The following MCF2L2 variants were observed in gnomAD, a reference collection of about 807,000 sequenced individuals.
MCF2L2 encodes the protein MCF.2 cell line derived transforming sequence-like 2.
MCF2L2 carries 102 observed loss-of-function variants against 150.2 expected under a neutral mutation model. The observed-to-expected ratio is 0.68, with a 90% CI of 0.58 to 0.80. The LOEUF (loss-of-function observed/expected upper bound fraction) is 0.80, where lower values mean the gene tolerates loss of function less well. Ranked by LOEUF, MCF2L2 falls within the 30% of genes least tolerant of loss-of-function variation. The probability of loss-of-function intolerance (pLI) is 0.00; values close to 1 mark genes in which losing one functional copy is unlikely to be tolerated. For synonymous variants in MCF2L2, 465 were observed against 491.3 expected (o/e 0.95, Z 0.71); for missense variants, 1,256 against 1,372.8 (o/e 0.91, Z 1.34).
intron 27 of MCF2L2, among the ~76,000 whole-genome samples, chr3:183,188,082 T>C (rs1721759659): frequency 6.6e-6 from 1 of 152,144 alleles, no homozygotes; most frequent in South Asian, 2.1e-4. Context: ...AATACTCCCA[T>C]GCCCAGCTGT....
At chr3:183,282,382 G>C (rs1214363885) in intron 14 of MCF2L2, among the ~76,000 whole-genome samples, 1 of 152,026 alleles carries the variant, frequency 6.6e-6, no homozygotes, top group Admixed American at 6.6e-5. Flanking sequence ...GTTTCACCAT[G>C]TTAGCCAGGA....
In MCF2L2 at chr3:183,272,366, C is replaced by T. The variant is rs887468926; in HGVS notation, c.1862+4506G>A. The stretch of plus-strand genomic sequence containing the variant: ...GAACTCACTCTAAGGCCTTTGACTG[C>T]AGAGGCACCTGTTAGGGAAAATCAG... On this transcript the variant is annotated intron_variant, in intron 15 of 29. Transcript: ENST00000328913. The T allele has an allele frequency of 5.7e-5, 57 of 1,000,074 alleles. 1 individual carries two copies. The highest frequency in any genetic ancestry group is 6.6e-5 in the Non-Finnish European group (55 of 829,988). 62.0% of individuals were successfully genotyped at this position (1,000,074 alleles called of 1,614,324 possible).
rs760549633 is a variant in MCF2L2, at chr3:183,300,008, G to T, written c.1302C>A (p.Asp434Glu). Residue 434 changes from aspartate (D) to glutamate (E), a missense_variant, in exon 11 of 30, where the codon GAC (aspartate) becomes GAA (glutamate). Transcript: ENST00000328913. ...GKSLEFHRQL[D>E]KVSQWCEAGI... ...TTCTTGGCTGTGTTTTGCTCACCTT[G>T]TCCAGCTGTCTATGAAACTCTAAGG... 6.2e-6 allele frequency: 10 copies of T among 1,611,910 alleles called. 1 individual carries two copies. In the South Asian group the frequency reaches 9.9e-5, roughly 16 times the overall value.
intron 5 of MCF2L2, 115 bp from the exon 6 acceptor site, chr3:183,323,466 C>T: frequency 2.4e-6 from 1 of 410,836 alleles, no homozygotes; most frequent in Non-Finnish European, 4.2e-6. Flanking sequence ...TTAAATGATA[C>T]TCCAACTTTG....
chr3:183,242,354 C>A (rs1158978445), intron 15 of MCF2L2, among the ~76,000 whole-genome samples: 1 of 152,204 alleles, frequency 6.6e-6, no homozygotes, highest in Non-Finnish European at 1.5e-5. Flanking sequence ...ACCTTTGTGG[C>A]AACCCCTCCC....
intron 15 of MCF2L2, among the ~76,000 whole-genome samples, chr3:183,238,357 C>T (rs1723837477): frequency 6.6e-6 from 1 of 150,730 alleles, no homozygotes; most frequent in Admixed American, 6.6e-5. Context: ...TGCAGTGGTG[C>T]AGTCTCGGCT....
At chr3:183,360,983 GAAAA>G (rs1712119215) in intron 3 of MCF2L2, among the ~76,000 whole-genome samples, 3 of 114,568 alleles carry the variant, frequency 2.6e-5, no homozygotes, top group African/African-American at 1.5e-4. Context: ...GAAAAGAAAA[GAAAA>G]GAAAAGAAAA....
At chr3:183,223,190 G>A (rs1723206539) in intron 20 of MCF2L2, among the ~76,000 whole-genome samples, 156 bp downstream of exon 20, 1 of 152,138 alleles carries the variant, frequency 6.6e-6, no homozygotes, top group Admixed American at 6.5e-5. Context: ...ATTGAAGAGG[G>A]CTGATTTAGA....
intron 15 of MCF2L2, among the ~76,000 whole-genome samples, chr3:183,266,719 C>A (rs988514266): frequency 7.2e-5 from 11 of 152,130 alleles, no homozygotes; most frequent in Non-Finnish European, 1.2e-4. Flanking sequence ...AGCATTCAGT[C>A]CAGAAATGAC....
intron 15 of MCF2L2, among the ~76,000 whole-genome samples, chr3:183,258,935 A>G (rs1725332387): frequency 6.6e-6 from 1 of 152,192 alleles, no homozygotes; most frequent in South Asian, 2.1e-4. Context: ...AACTAATGCA[A>G]TATAAATGCT....
At chr3:183,318,867 C>T (rs911830078) in intron 6 of MCF2L2, among the ~76,000 whole-genome samples, 6 of 152,240 alleles carry the variant, frequency 3.9e-5, no homozygotes, top group Admixed American at 3.3e-4. Context: ...TAACCATCTT[C>T]TGGGCCTTCA....
At chr3:183,289,296 A>AG in intron 13 of MCF2L2, 76 bp from the exon 14 acceptor site, 1 of 963,144 alleles carries the variant, frequency 1.0e-6, no homozygotes, top group Non-Finnish European at 1.6e-6. Context: ...ATTTGGACAA[A>AG]TAGCTGGACC....
chr3:183,207,776 G>A lies in MCF2L2; in HGVS notation c.2544C>T (p.Ser848=), dbSNP rs750765432. 34 of 1,614,140 alleles carry A rather than the reference G, an allele frequency of 2.1e-5. No individual in the cohort carries two copies. Among genetic ancestry groups the A allele is most frequent in the Non-Finnish European group, 2.6e-5 (31 of 1,180,012 alleles). ...LGKLLLHGPF[S]VWTIHKDRYK... Reference sequence around the variant, plus strand: ...AACGATCCTTGTGAATTGTCCAGACGCTGAAAGGGCCGTGCAGCAACAGCT... The same window carrying A: ...AACGATCCTTGTGAATTGTCCAGACACTGAAAGGGCCGTGCAGCAACAGCT... The change falls in exon 23 of 30, where the codon AGC becomes AGT. Residue 848 remains serine, a synonymous_variant. Coordinates refer to ENST00000328913, the MANE Select transcript of MCF2L2 (RefSeq NM_015078.4).
chr3:183,221,713 G>A (rs1046509185), intron 20 of MCF2L2, among the ~76,000 whole-genome samples: 3 of 152,184 alleles, frequency 2.0e-5, no homozygotes, highest in African/African-American at 2.4e-5. Context: ...CTGAGTGAGT[G>A]CTGGGTCAAA....
chr3:183,326,448 C>T (rs1730031087), intron 5 of MCF2L2, among the ~76,000 whole-genome samples: 1 of 127,214 alleles, frequency 7.9e-6, no homozygotes, highest in Admixed American at 9.6e-5. Flanking sequence ...GCCGAGATTA[C>T]ACCACTGTAC....
chr3:183,318,821 A>G (rs1729698564), intron 6 of MCF2L2, among the ~76,000 whole-genome samples: 1 of 152,170 alleles, frequency 6.6e-6, no homozygotes, highest in Non-Finnish European at 1.5e-5. Flanking sequence ...AATTCCACAT[A>G]CCTTAATTTC....
chr3:183,395,936 AAAGAAAG>A (rs1201720037), intron 1 of MCF2L2, among the ~76,000 whole-genome samples: 3 of 95,892 alleles, frequency 3.1e-5, no homozygotes, highest in South Asian at 3.7e-4. Flanking sequence ...AAAAAAAAAA[AAAGAAAG>A]AAAGAAAGAA....
chr3:183,214,374 A>T (rs920619920), intron 22 of MCF2L2, among the ~76,000 whole-genome samples: 4 of 152,178 alleles, frequency 2.6e-5, no homozygotes, highest in Non-Finnish European at 5.9e-5. Context: ...ATCAGTTGTC[A>T]TCAGAGACAC....
chr3:183,349,008 A>G (rs1178912606), intron 3 of MCF2L2, among the ~76,000 whole-genome samples: 5 of 152,216 alleles, frequency 3.3e-5, no homozygotes, highest in Admixed American at 6.5e-5. Context: ...CACAACATCT[A>G]GCAATGCAGA....
Sources: gnomAD v4.1 joint callset for allele counts (sites outside exome capture counted in the v4.1 genomes callset) on GRCh38, gnomAD v4.1.1 for gene constraint, MANE v1.5 for transcripts, NCBI Gene and HGNC (gene_info 2026-07-23, HGNC 2026-07-21) for gene names.